CHD8: variants seen among roughly 807,000 people sequenced by gnomAD.
The protein encoded by CHD8 is ATP-dependent chromatin remodeler CHD8.
In CHD8, 31 loss-of-function variants were observed where a neutral mutation model predicts 279.2. The observed-to-expected ratio is 0.11, with a 90% CI of 0.08 to 0.15. The LOEUF is 0.15. Among genes scored for constraint, CHD8 ranks in the 10% least tolerant of loss-of-function variants. CHD8 has a pLI of 1.00. For missense variants in CHD8, 2,146 were observed against 3,230.5 expected (o/e 0.66, Z 8.14); for synonymous variants, 1,081 against 1,139.6 (o/e 0.95, Z 1.04).
At position 21,437,018 on chromosome 14, in the gene CHD8, C is replaced by T. The variant is rs118139311; in HGVS notation, c.-215-5160G>A. On this transcript the variant is annotated intron_variant, in intron 1 of 37. Coordinates refer to ENST00000646647, the MANE Select transcript of CHD8 (RefSeq NM_001170629.2). ...ACATGCACTTGAGGTAAGGAGCTAG[C>T]GGGGGTGCCCTCCAGGGTGGGGATG... The T allele has an allele frequency of 2.7e-4, 257 of 937,098 alleles. 2 individuals are homozygous for T. In the East Asian group the frequency reaches 0.016, roughly 59 times the overall value. 58.0% of individuals were successfully genotyped at this position (937,098 alleles called of 1,614,324 possible). A position where few individuals can be genotyped will look rare whatever the true frequency, so the allele number is the denominator to read the frequency against.
At chr14:21,390,005 C>T (rs1373703841) in intron 37 of CHD8, among the ~76,000 whole-genome samples, 5 of 152,030 alleles carry the variant, frequency 3.3e-5, no homozygotes, top group African/African-American at 1.2e-4. Context: ...AAGGCCAAGG[C>T]GGGTGGATTA....
Position 21,406,292 on chromosome 14 carries a change from G to A in CHD8, c.2908-428C>T, listed in dbSNP as rs555290224. Among the ~76,000 whole-genome samples the A allele has an allele frequency of 1.1e-4, 17 of 152,268 alleles. No homozygotes were observed. The South Asian group carries it at 3.5e-3, about 32-fold the overall frequency. On this transcript the variant is annotated intron_variant, in intron 14 of 37. Coordinates refer to ENST00000646647, the MANE Select transcript of CHD8 (RefSeq NM_001170629.2). ...CACCCCTAGGCTTGCCTTATTACTTGCAAGAACAAGAATGTAGCAAAAGTG... is the reference window on the plus strand; with the variant it reads ...CACCCCTAGGCTTGCCTTATTACTTACAAGAACAAGAATGTAGCAAAAGTG...
intron 16 of CHD8, among the ~76,000 whole-genome samples, chr14:21,404,497 G>C (rs901674536): frequency 6.6e-6 from 1 of 151,514 alleles, no homozygotes; most frequent in Non-Finnish European, 1.5e-5. Flanking sequence ...AAAAAAAGAT[G>C]TAAATATGTG....
chr14:21,389,448 T>C (rs1183728872), intron 37 of CHD8, among the ~76,000 whole-genome samples: 1 of 151,804 alleles, frequency 6.6e-6, no homozygotes, highest in African/African-American at 2.4e-5. Flanking sequence ...TTCTTTCTAT[T>C]AAAAATACAA....
rs1277664000 is a variant in CHD8, at chr14:21,407,012, T to C, written c.2751A>G (p.Ala917=). The C allele has an allele frequency of 6.9e-6, 11 of 1,590,090 alleles. No individual in the cohort carries two copies. Among genetic ancestry groups the C allele is most frequent in the Non-Finnish European group, 9.4e-6 (11 of 1,167,650 alleles). The change falls in exon 14 of 38, where the codon GCA becomes GCG. Residue 917 remains alanine (A), a synonymous_variant. Transcript: ENST00000646647. ...KDSRGRLIPG[A]YKFDALITTF... ...TGGTGATCAGAGCGTCAAACTTGTA[T>C]GCGCCTGGGATGAGGCGTCCCTAAG...
At position 21,400,095 on chromosome 14, in the gene CHD8, G is replaced by T. The variant is rs1887963806; in HGVS notation, c.4728-25C>A. ...CCTAGAAAGGACAGAGGAAGAGCTG[G>T]CTCAGTAACACTGTAGAAGTTTGAG... On this transcript the variant is annotated intron_variant, in intron 24 of 37. Coordinates refer to ENST00000646647, the MANE Select transcript of CHD8 (RefSeq NM_001170629.2). This position sits in a 1 kb window ranked among gnomAD's most constrained non-coding sequence, Gnocchi z 4.2. 8 of 1,612,636 alleles carry T rather than the reference G, an allele frequency of 5.0e-6. No homozygotes were observed. Among genetic ancestry groups the T allele is most frequent in the Non-Finnish European group, 6.8e-6 (8 of 1,178,784 alleles).
rs1196798422 is a variant in CHD8 at position 21,442,665 on chromosome 14, AGAGGGGAGGAGAGGAGAGGG to A, written c.-215-10827_-215-10808del. 7.9e-3 allele frequency among the ~76,000 whole-genome samples: 600 copies of A among 75,694 alleles called. 26 individuals are homozygous for A. Among genetic ancestry groups the A allele is most frequent in the African/African-American group, 0.032 (574 of 18,188 alleles). 49.7% of individuals were successfully genotyped at this position (75,694 alleles called of 152,430 possible). The stretch of plus-strand genomic sequence containing the variant: ...GGAGGAGAGGAGAGGGGAGGAGAGG[AGAGGGGAGGAGAGGAGAGGG>A]GAGGGGAGGGGAGGAGAGGAGAGGA... On this transcript the variant is annotated intron_variant, in intron 1 of 37. Transcript: ENST00000646647.
chr14:21,417,461 A>G (rs1888774730), intron 5 of CHD8, among the ~76,000 whole-genome samples: 1 of 152,168 alleles, frequency 6.6e-6, no homozygotes. Flanking sequence ...CACACCTGTA[A>G]TCGTAGCACT....
Position 21,402,601 on chromosome 14 carries a change from A to AG in CHD8, c.3715-99dup. ...CAATTTATGATTCTTTCACCTCTAT[A>AG]GAGCAGCCATGAGATCAACTCAAAA... On this transcript the variant is annotated intron_variant, in intron 18 of 37. Coordinates refer to ENST00000646647, the MANE Select transcript of CHD8 (RefSeq NM_001170629.2). The surrounding 1 kb of genome is among the most constrained non-coding windows in gnomAD (Gnocchi z 4.5). The AG allele has an allele frequency of 8.4e-7, 1 of 1,187,582 alleles. No homozygotes were observed. The highest frequency in any genetic ancestry group is 1.6e-5 in the South Asian group (1 of 61,438). The allele number at this position is 1,187,582 out of a possible 1,614,324, so 73.6% of individuals were successfully genotyped here. A position where few individuals can be genotyped will look rare whatever the true frequency, so the allele number is the denominator to read the frequency against.
In CHD8 at chr14:21,405,131, A is replaced by G. The variant is rs1424644141; in HGVS notation, c.3307+78T>C. On this transcript the variant is annotated intron_variant, in intron 16 of 37. Transcript: ENST00000646647. This position sits in a 1 kb window ranked among gnomAD's most constrained non-coding sequence, Gnocchi z 4.2. ...TTAGGTTGGTTGAGTCAATGCATCC[A>G]TTGTCCCCAAGGAGAATCATCCGGA... 8 of 1,465,082 alleles carry G rather than the reference A, an allele frequency of 5.5e-6. No individual in the cohort carries two copies. The highest frequency in any genetic ancestry group is 7.5e-6 in the Non-Finnish European group (8 of 1,065,920). 90.8% of individuals were successfully genotyped at this position (1,465,082 alleles called of 1,614,324 possible).
At chr14:21,388,525 A>G (rs1887381355) in intron 37 of CHD8, among the ~76,000 whole-genome samples, 1 of 152,044 alleles carries the variant, frequency 6.6e-6, no homozygotes, top group African/African-American at 2.4e-5. Context: ...AGGGTCTCAC[A>G]CTCTATTGCC....
intron 1 of CHD8, among the ~76,000 whole-genome samples, chr14:21,448,439 T>C (rs1374336019): frequency 6.6e-6 from 1 of 152,202 alleles, no homozygotes; most frequent in East Asian, 1.9e-4. Context: ...TACAAAGACG[T>C]AAATAAATCT....
chr14:21,394,709 A>C (rs1887701788), intron 30 of CHD8: 1 of 644,386 alleles, frequency 1.6e-6, no homozygotes, highest in Non-Finnish European at 2.6e-6. Context: ...AATATCAATG[A>C]AAATGTCTAC....
Position 21,400,888 on chromosome 14 carries a change from G to A in CHD8, c.4357C>T (p.Leu1453Phe). 1 of 1,611,260 alleles carries A rather than the reference G, an allele frequency of 6.2e-7. No homozygotes were observed. Among genetic ancestry groups the A allele is most frequent in the Non-Finnish European group, 8.5e-7 (1 of 1,178,522 alleles). The change falls in exon 22 of 38, where the codon CTC (leucine) becomes TTC (phenylalanine). Residue 1453 changes from leucine to phenylalanine, a missense_variant. By Grantham distance (22) the Leu-to-Phe change is conservative. Coordinates refer to ENST00000646647, the MANE Select transcript of CHD8 (RefSeq NM_001170629.2). This position sits in a 1 kb window ranked among gnomAD's most constrained non-coding sequence, Gnocchi z 4.2. The part of the protein sequence containing the change: ...RTDCFRVEKH[L>F]LVYGWGRWRD... ...TTGGGGTCTTACCCATATACCAGGAGATGCTTTTCCACCCGAAAGCAGTCA... is the reference window on the plus strand; with the variant it reads ...TTGGGGTCTTACCCATATACCAGGAAATGCTTTTCCACCCGAAAGCAGTCA...
At chr14:21,432,262 T>C (rs1889595521) in intron 1 of CHD8, among the ~76,000 whole-genome samples, 1 of 152,236 alleles carries the variant, frequency 6.6e-6, no homozygotes. Flanking sequence ...GATAAAGGTT[T>C]CTGGATATAT....
Position 21,391,577 on chromosome 14 carries a change from G to A in CHD8, c.6951C>T (p.Val2317=). The change falls in exon 36 of 38, where the codon GTC becomes GTT. Residue 2317 remains valine, a synonymous_variant. Transcript: ENST00000646647. The stretch of plus-strand genomic sequence containing the variant: ...GCAAAGTACCATCCACCTTATTGAT[G>A]ACAGGGATCCGGGTCTCCAGGTCCA... ...LDVDLETRIP[V]INKVDGTLLV... The A allele has an allele frequency of 6.2e-7, 1 of 1,613,248 alleles. No homozygotes were observed. The highest frequency in any genetic ancestry group is 8.5e-7 in the Non-Finnish European group (1 of 1,179,628).
intron 5 of CHD8, 87 bp from the exon 6 acceptor site, chr14:21,415,994 G>C: frequency 2.8e-6 from 3 of 1,084,876 alleles, no homozygotes; most frequent in Non-Finnish European, 4.0e-6. Flanking sequence ...CATATACTTA[G>C]ATTCTACTCC....
chr14:21,445,436 T>G (rs1185600462), intron 1 of CHD8, among the ~76,000 whole-genome samples: 1 of 151,216 alleles, frequency 6.6e-6, no homozygotes, highest in East Asian at 2.0e-4. Context: ...ATCCCAGCAC[T>G]TTGGGAGACC....
chr14:21,435,253 G>A (rs1025625735), intron 1 of CHD8, among the ~76,000 whole-genome samples: 1 of 152,216 alleles, frequency 6.6e-6, no homozygotes, highest in African/African-American at 2.4e-5. Flanking sequence ...TAACAAACTA[G>A]TCAGTTAAGG....
Sources: allele counts gnomAD v4.1 joint callset (sites outside exome capture counted in the v4.1 genomes callset), GRCh38; gene constraint gnomAD v4.1.1; non-coding constraint Gnocchi (gnomAD v3.1); transcripts MANE v1.5; gene names NCBI Gene and HGNC (gene_info 2026-07-23, HGNC 2026-07-21).